Variants in CALN1 observed in about 807,000 individuals in gnomAD.
CALN1 encodes calcium-binding protein 8.
A neutral mutation model predicts 30.6 loss-of-function variants in CALN1; 17 were observed. That is an observed-to-expected ratio of 0.56 (90% CI 0.38 to 0.83). The LOEUF (loss-of-function observed/expected upper bound fraction) is 0.83, where lower values mean the gene tolerates loss of function less well. Among genes scored for constraint, CALN1 ranks in the 40% least tolerant of loss-of-function variants. The pLI is 0.00. For synonymous variants in CALN1, 156 were observed against 131.4 expected (o/e 1.19, Z -1.28); for missense variants, 291 against 354.9 (o/e 0.82, Z 1.45).
At chr7:72,467,432 T>TCGGCCAGGACTCCTGGGCCAGC in the CALN1 span, among the ~76,000 whole-genome samples, 4 of 152,166 alleles carry the variant, frequency 2.6e-5, no homozygotes, top group East Asian at 5.8e-4. Flanking sequence ...TCCCTGGAGC[T>TCGGCCAGGACTCCTGGGCCAGC]CGGCCAGGAC....
At chr7:72,429,939 C>A (rs1807919537) in intron 1 of CALN1, among the ~76,000 whole-genome samples, 1 of 150,518 alleles carries the variant, frequency 6.6e-6, no homozygotes, top group Non-Finnish European at 1.5e-5. Flanking sequence ...CTTGCCTCTG[C>A]CTCCCGAGTA....
At chr7:72,408,270 TAAAAAAAAAA>T (rs34402288) in intron 1 of CALN1, among the ~76,000 whole-genome samples, 8,682 of 129,460 alleles carry the variant, frequency 0.067, 337 homozygotes, top group Admixed American at 0.11. Context: ...CCATCTCTAT[TAAAAAAAAAA>T]AAAAAAAAAA....
intron 2 of CALN1, among the ~76,000 whole-genome samples, chr7:72,360,315 C>T (rs1803496022): frequency 6.6e-6 from 1 of 151,936 alleles, no homozygotes; most frequent in South Asian, 2.1e-4. Flanking sequence ...TTATTTCTAC[C>T]TAATATTCAA....
At chr7:71,796,365 T>A (rs2115978521) in intron 6 of CALN1, among the ~76,000 whole-genome samples, 1 of 149,454 alleles carries the variant, frequency 6.7e-6, no homozygotes, top group East Asian at 2.0e-4. Flanking sequence ...TTTCTTTTTT[T>A]TTTTTTTTTT....
At chr7:72,102,507 A>G (rs1434094572) in intron 4 of CALN1, among the ~76,000 whole-genome samples, 1 of 152,186 alleles carries the variant, frequency 6.6e-6, no homozygotes, top group East Asian at 1.9e-4. Flanking sequence ...GCAGAAACTC[A>G]GTAAATAGAA....
intron 6 of CALN1, among the ~76,000 whole-genome samples, chr7:71,808,057 C>T (rs977997243): frequency 2.0e-5 from 3 of 151,934 alleles, no homozygotes; most frequent in Non-Finnish European, 4.4e-5. Context: ...CTGGGTGACA[C>T]AGTGAGACTT....
chr7:72,036,237 G>A (rs1187384194), intron 4 of CALN1, among the ~76,000 whole-genome samples: 2 of 152,210 alleles, frequency 1.3e-5, no homozygotes, highest in African/African-American at 2.4e-5. Context: ...AATCTCATAT[G>A]TGATGAGACA....
intron 5 of CALN1, among the ~76,000 whole-genome samples, chr7:71,922,566 TAAA>T: frequency 2.2e-5 from 3 of 135,894 alleles, no homozygotes; most frequent in Admixed American, 7.8e-5. Context: ...AGATTATATA[TAAA>T]TATATAACAC....
Position 72,278,749 on chromosome 7 carries a change from G to T in CALN1, c.181C>A (p.Arg61=). The T allele has an allele frequency of 6.2e-7, 1 of 1,614,084 alleles. No individual in the cohort carries two copies. The highest frequency in any genetic ancestry group is 8.5e-7 in the Non-Finnish European group (1 of 1,179,978). ...CTGTCACTGCCAGCAGAGAGCGATC[G>T]GTTGAGGTAATTCCCCTTGTACAAC... ...GLLYKGNYLN[R]SLSAGSDSEQ... The change falls in exon 3 of 7, where the codon CGA becomes AGA. Residue 61 remains arginine (R), a synonymous_variant. Coordinates refer to ENST00000395275, the MANE Select transcript of CALN1 (RefSeq NM_031468.4).
chr7:72,068,640 ACCATG>A (rs1275857048), intron 4 of CALN1, among the ~76,000 whole-genome samples: 1 of 152,124 alleles, frequency 6.6e-6, no homozygotes, highest in Non-Finnish European at 1.5e-5. Context: ...GACGCCCGCC[ACCATG>A]CCCAGCTAAT....
chr7:72,360,095 C>A (rs867677958), intron 2 of CALN1, among the ~76,000 whole-genome samples: 53 of 152,066 alleles, frequency 3.5e-4, no homozygotes, highest in African/African-American at 1.2e-3. Context: ...AATAGAATGT[C>A]CAACTCATGG....
Position 72,015,009 on chromosome 7 carries a change from AT to A in CALN1, c.501+8647del, listed in dbSNP as rs200529421. Among the ~76,000 whole-genome samples the A allele has an allele frequency of 8.3e-3, 1,257 of 152,328 alleles. 8 individuals are homozygous for A. The highest frequency in any genetic ancestry group is 0.03 in the South Asian group (145 of 4,830). On this transcript the variant is annotated intron_variant, in intron 5 of 6. Coordinates refer to ENST00000395275, the MANE Select transcript of CALN1 (RefSeq NM_031468.4). The stretch of plus-strand genomic sequence containing the variant: ...TTATAATCTAATAGTATAAGTTAGT[AT>A]TATTTGATTGTTCCATTGCCTCCAA...
chr7:72,473,522 T>C, the CALN1 span, among the ~76,000 whole-genome samples: 1 of 152,196 alleles, frequency 6.6e-6, no homozygotes, highest in Non-Finnish European at 1.5e-5. Flanking sequence ...GTTAATAACA[T>C]GGTTCTCATG....
At chr7:72,379,511 TATTC>T (rs1239638518) in intron 2 of CALN1, among the ~76,000 whole-genome samples, 1 of 152,206 alleles carries the variant, frequency 6.6e-6, no homozygotes, top group Non-Finnish European at 1.5e-5. Context: ...AGCACTACAC[TATTC>T]ATTATGTCGT....
At chr7:72,313,874 T>C (rs1320737206) in intron 2 of CALN1, among the ~76,000 whole-genome samples, 1 of 151,732 alleles carries the variant, frequency 6.6e-6, no homozygotes, top group African/African-American at 2.4e-5. Context: ...AAGGGAGAGA[T>C]TTCAAAGGAG....
chr7:72,485,325 A>C, the CALN1 span, among the ~76,000 whole-genome samples: 1 of 151,892 alleles, frequency 6.6e-6, no homozygotes. Flanking sequence ...TTGGGAGGCC[A>C]AAGTGGGAGG....
At chr7:72,350,131 G>C (rs558910149) in intron 2 of CALN1, among the ~76,000 whole-genome samples, 1 of 152,038 alleles carries the variant, frequency 6.6e-6, no homozygotes, top group Admixed American at 6.6e-5. Context: ...ATGTTAAAAG[G>C]AAGGGGTCCA....
chr7:72,482,672 C>G, the CALN1 span, among the ~76,000 whole-genome samples: 1 of 152,080 alleles, frequency 6.6e-6, no homozygotes, highest in Non-Finnish European at 1.5e-5. Flanking sequence ...ATATACTTCA[C>G]TTTTCCATAT....
intron 5 of CALN1, among the ~76,000 whole-genome samples, chr7:71,839,188 G>T (rs1379441110): frequency 1.3e-5 from 2 of 152,136 alleles, no homozygotes; most frequent in Admixed American, 6.5e-5. Flanking sequence ...TCTAGGTATT[G>T]TCATGTCTAG....
Sources: allele counts gnomAD v4.1 joint callset (sites outside exome capture counted in the v4.1 genomes callset), GRCh38; gene constraint gnomAD v4.1.1; transcripts MANE v1.5; gene names NCBI Gene and HGNC (gene_info 2026-07-23, HGNC 2026-07-21).